Variants in TMEM163 observed in about 807,000 individuals in gnomAD.
The protein encoded by TMEM163 is transmembrane protein 163.
A neutral mutation model predicts 29.3 loss-of-function variants in TMEM163; 17 were observed. That is an observed-to-expected ratio of 0.58 (90% CI 0.40 to 0.87). The LOEUF (loss-of-function observed/expected upper bound fraction) is 0.87. Among genes scored for constraint, TMEM163 ranks in the 40% least tolerant of loss-of-function variants. TMEM163 has a pLI of 0.00. For missense variants in TMEM163, 303 were observed against 381.5 expected, an observed-to-expected ratio of 0.79 and a Z score of 1.71; for synonymous variants, 157 against 160.6, an observed-to-expected ratio of 0.98 and a Z score of 0.17.
At chr2:134,684,733 G>C (rs780066607) in intron 2 of TMEM163, among the ~76,000 whole-genome samples, 7 of 151,932 alleles carry the variant, frequency 4.6e-5, no homozygotes, top group Non-Finnish European at 8.8e-5. Context: ...AGACCATCCT[G>C]GCCAACATGG....
At chr2:134,527,622 G>T (rs541013564) in intron 4 of TMEM163, among the ~76,000 whole-genome samples, 2 of 152,114 alleles carry the variant, frequency 1.3e-5, no homozygotes. Flanking sequence ...TCCACTTCCC[G>T]CTCTCCCGGG....
Position 134,634,724 on chromosome 2 carries a change from T to C in TMEM163, c.322+78476A>G, listed in dbSNP as rs151228106. ...GTAGATATTTTAGGCTTTGGGTGCATATAGTCTTCGTCAGAACTACTCAAA... is the reference window on the plus strand; with the variant it reads ...GTAGATATTTTAGGCTTTGGGTGCACATAGTCTTCGTCAGAACTACTCAAA... On this transcript the variant is annotated intron_variant, in intron 2 of 7. Coordinates refer to ENST00000281924, the MANE Select transcript of TMEM163 (RefSeq NM_030923.5). Among the ~76,000 whole-genome samples the C allele has an allele frequency of 3.9e-3, 595 of 152,370 alleles. 10 individuals carry two copies. In the East Asian group the frequency reaches 0.053, roughly 14 times the overall value.
intron 4 of TMEM163, among the ~76,000 whole-genome samples, chr2:134,505,742 A>G (rs1351620793): frequency 2.6e-5 from 4 of 152,200 alleles, no homozygotes; most frequent in Non-Finnish European, 5.9e-5. Context: ...AGCTCACTGC[A>G]GCCACGCCTC....
chr2:134,705,568 T>G (rs1295406583), intron 2 of TMEM163, among the ~76,000 whole-genome samples: 1 of 152,194 alleles, frequency 6.6e-6, no homozygotes, highest in Non-Finnish European at 1.5e-5. Context: ...GAGTTTCCCC[T>G]GCTGGGGTAG....
chr2:134,560,560 G>A (rs1317601808), intron 2 of TMEM163, among the ~76,000 whole-genome samples: 1 of 152,172 alleles, frequency 6.6e-6, no homozygotes, highest in Non-Finnish European at 1.5e-5. Context: ...GCACAATGGA[G>A]AAACCAGCCT....
intron 4 of TMEM163, among the ~76,000 whole-genome samples, chr2:134,511,808 T>C (rs1448956823): frequency 6.6e-6 from 1 of 152,260 alleles, no homozygotes; most frequent in Non-Finnish European, 1.5e-5. Context: ...AAGTAAACCA[T>C]GCAAGTATTT....
At chr2:134,685,839 C>A (rs1317934246) in intron 2 of TMEM163, among the ~76,000 whole-genome samples, 1 of 152,210 alleles carries the variant, frequency 6.6e-6, no homozygotes, top group African/African-American at 2.4e-5. Flanking sequence ...TTAGGGACAG[C>A]AAATAGGTTT....
intron 4 of TMEM163, among the ~76,000 whole-genome samples, chr2:134,524,530 A>C (rs1574205868): frequency 6.8e-6 from 1 of 147,028 alleles, no homozygotes; most frequent in Non-Finnish European, 1.5e-5. Context: ...TCCCCCTTTC[A>C]CCCCCTACCC....
chr2:134,551,627 G>C (rs1680926931), intron 3 of TMEM163, among the ~76,000 whole-genome samples: 1 of 152,120 alleles, frequency 6.6e-6, no homozygotes, highest in Non-Finnish European at 1.5e-5. Flanking sequence ...CCATCAGGAG[G>C]CCAGCTGGGA....
At chr2:134,699,006 T>C (rs1224150359) in intron 2 of TMEM163, among the ~76,000 whole-genome samples, 1 of 152,192 alleles carries the variant, frequency 6.6e-6, no homozygotes, top group Non-Finnish European at 1.5e-5. Flanking sequence ...TAGTAAGGCA[T>C]AAAATGAATT....
chr2:134,631,769 A>G (rs1682975642), intron 2 of TMEM163, among the ~76,000 whole-genome samples: 1 of 152,256 alleles, frequency 6.6e-6, no homozygotes, highest in African/African-American at 2.4e-5. Context: ...GCACCACTTG[A>G]TCAACAGTAT....
At chr2:134,558,123 C>T (rs1681088622) in intron 2 of TMEM163, among the ~76,000 whole-genome samples, 1 of 152,162 alleles carries the variant, frequency 6.6e-6, no homozygotes, top group South Asian at 2.1e-4. Context: ...AATGCTCTAA[C>T]AGGGCGGCAT....
intron 6 of TMEM163, among the ~76,000 whole-genome samples, chr2:134,464,748 C>T (rs773761076): frequency 2.6e-5 from 4 of 152,084 alleles, no homozygotes; most frequent in Non-Finnish European, 4.4e-5. Flanking sequence ...CTAGAACTGC[C>T]GACACATCTG....
intron 2 of TMEM163, among the ~76,000 whole-genome samples, chr2:134,626,395 A>G (rs1682852239): frequency 6.6e-6 from 1 of 151,788 alleles, no homozygotes; most frequent in South Asian, 2.1e-4. Flanking sequence ...GTGAGCCACC[A>G]TGCCCAGCCT....
At chr2:134,581,142 C>T (rs927970733) in intron 2 of TMEM163, among the ~76,000 whole-genome samples, 23 of 152,222 alleles carry the variant, frequency 1.5e-4, no homozygotes, top group African/African-American at 4.8e-4. Flanking sequence ...GGGGCAAATC[C>T]GACGGAAAAG....
At chr2:134,503,489 T>C (rs953001750) in intron 4 of TMEM163, among the ~76,000 whole-genome samples, 4 of 152,192 alleles carry the variant, frequency 2.6e-5, no homozygotes, top group African/African-American at 9.7e-5. Context: ...AAAAAGGAAA[T>C]GAGACAATGC....
At chr2:134,474,787 T>G (rs543462759) in intron 5 of TMEM163, among the ~76,000 whole-genome samples, 2 of 152,138 alleles carry the variant, frequency 1.3e-5, no homozygotes, top group Non-Finnish European at 2.9e-5. Context: ...AAATACTCAG[T>G]GATAAATTTT....
chr2:134,516,646 T>C (rs993194048), intron 4 of TMEM163, among the ~76,000 whole-genome samples: 3 of 147,954 alleles, frequency 2.0e-5, no homozygotes, highest in African/African-American at 2.5e-5. Flanking sequence ...TTCATACTTA[T>C]ATTCATACAT....
chr2:134,674,673 A>G (rs1684075595), intron 2 of TMEM163, among the ~76,000 whole-genome samples: 1 of 152,092 alleles, frequency 6.6e-6, no homozygotes, highest in South Asian at 2.1e-4. Flanking sequence ...ATGTTTAAAA[A>G]AAAACAAAAC....
Sources: allele counts gnomAD v4.1 joint callset (sites outside exome capture counted in the v4.1 genomes callset), GRCh38; gene constraint gnomAD v4.1.1; transcripts MANE v1.5; gene names NCBI Gene and HGNC (gene_info 2026-07-23, HGNC 2026-07-21).